The following GPM6A variants were observed in gnomAD, a reference collection of about 807,000 sequenced individuals.
GPM6A encodes the protein neuronal membrane glycoprotein M6-a.
In GPM6A, 7 loss-of-function variants were observed where a neutral mutation model predicts 32.1. The observed-to-expected ratio is 0.22, with a 90% CI of 0.12 to 0.41. The LOEUF is 0.41. Among genes scored for constraint, GPM6A ranks in the 10% least tolerant of loss-of-function variants. GPM6A has a pLI of 1.00. For synonymous variants in GPM6A, 130 were observed against 123.4 expected, an observed-to-expected ratio of 1.05 and a Z score of -0.35; for missense variants, 235 against 347.2, an observed-to-expected ratio of 0.68 and a Z score of 2.57.
chr4:175,697,547 C>T (rs1744648589), intron 2 of GPM6A, among the ~76,000 whole-genome samples: 3 of 152,068 alleles, frequency 2.0e-5, no homozygotes, highest in Admixed American at 2.0e-4. Flanking sequence ...AGAAGTTGCA[C>T]ACTTCTTATC....
chr4:175,864,313 C>G (rs1190866176), intron 1 of GPM6A, among the ~76,000 whole-genome samples: 2 of 152,084 alleles, frequency 1.3e-5, no homozygotes, highest in African/African-American at 4.8e-5. Context: ...ACTACAGGAG[C>G]ATGTCACCAT....
At chr4:175,691,700 T>G (rs1257282484) in intron 2 of GPM6A, among the ~76,000 whole-genome samples, 1 of 152,218 alleles carries the variant, frequency 6.6e-6, no homozygotes, top group Non-Finnish European at 1.5e-5. Context: ...GCCCCAGTGA[T>G]GCTCACATCA....
chr4:175,712,426 C>A (rs1196769820), intron 1 of GPM6A, among the ~76,000 whole-genome samples: 1 of 152,192 alleles, frequency 6.6e-6, no homozygotes, highest in African/African-American at 2.4e-5. Flanking sequence ...GGGTCATGGA[C>A]AATAAGTGTC....
At chr4:175,939,917 C>T (rs546797827) in intron 1 of GPM6A, among the ~76,000 whole-genome samples, 42 of 151,562 alleles carry the variant, frequency 2.8e-4, no homozygotes, top group Middle Eastern at 3.4e-3. Flanking sequence ...AGAACCATAG[C>T]GCCTGGTTCC....
chr4:175,722,772 C>G (rs12499953), intron 1 of GPM6A, among the ~76,000 whole-genome samples: 51,513 of 151,962 alleles, frequency 0.34, 11,057 homozygotes, highest in East Asian at 0.64. Context: ...GACCAGCCGT[C>G]GTGGCTCATA....
chr4:175,873,534 T>C (rs1213193568), intron 1 of GPM6A, among the ~76,000 whole-genome samples: 2 of 152,130 alleles, frequency 1.3e-5, no homozygotes, highest in Non-Finnish European at 2.9e-5. Context: ...AAACTATAAA[T>C]AGAGTAATTA....
At chr4:175,939,801 C>G (rs1014119521) in intron 1 of GPM6A, among the ~76,000 whole-genome samples, 13 of 151,840 alleles carry the variant, frequency 8.6e-5, no homozygotes, top group African/African-American at 3.1e-4. Context: ...ATCCTAATAG[C>G]AGGAAATTTT....
intron 1 of GPM6A, among the ~76,000 whole-genome samples, chr4:175,972,225 T>TA (rs1362534047): frequency 1.3e-5 from 2 of 152,138 alleles, no homozygotes; most frequent in Admixed American, 6.6e-5. Context: ...AAGATTTTTT[T>TA]AAAAAAATTT....
intron 1 of GPM6A, among the ~76,000 whole-genome samples, chr4:175,710,900 C>T (rs1332522811): frequency 6.6e-6 from 1 of 152,140 alleles, no homozygotes; most frequent in Non-Finnish European, 1.5e-5. Context: ...CAGTCTCAGG[C>T]TGAACTCAGC....
chr4:175,688,210 AC>A (rs2111028408), intron 2 of GPM6A, among the ~76,000 whole-genome samples: 1 of 152,148 alleles, frequency 6.6e-6, no homozygotes, highest in South Asian at 2.1e-4. Context: ...ATCTAGTCAC[AC>A]TTGTCTATTA....
At position 175,835,938 on chromosome 4, in the gene GPM6A, G is replaced by A. The variant is rs188258130; in HGVS notation, c.-22-23689C>T. Among the ~76,000 whole-genome samples, 909 of 151,500 alleles carry A rather than the reference G, an allele frequency of 6.0e-3. 11 individuals are homozygous for A. Among genetic ancestry groups the A allele is most frequent in the African/African-American group, 0.021 (859 of 41,284 alleles). ...AGCATAAAGGTGTAGAACGTGGAAA[G>A]TTTTTTGTAGGTCTGGCCTGGAAGA... On this transcript the variant is annotated intron_variant, in intron 1 of 7. Transcript: ENST00000280187.
intron 1 of GPM6A, among the ~76,000 whole-genome samples, chr4:175,826,096 G>A (rs1735427511): frequency 6.6e-6 from 1 of 151,912 alleles, no homozygotes; most frequent in Admixed American, 6.6e-5. Flanking sequence ...TGAGTTCCAG[G>A]CTGTAGTGAG....
intron 1 of GPM6A, among the ~76,000 whole-genome samples, chr4:175,883,813 C>A (rs925728895): frequency 6.6e-6 from 1 of 152,126 alleles, no homozygotes; most frequent in Non-Finnish European, 1.5e-5. Flanking sequence ...ACATTAAATT[C>A]ACTAAGGTAT....
chr4:175,995,208 T>C (rs1353781168), intron 1 of GPM6A, among the ~76,000 whole-genome samples: 2 of 152,180 alleles, frequency 1.3e-5, no homozygotes, highest in African/African-American at 2.4e-5. Flanking sequence ...GAATCGTGAA[T>C]GTTCTTAAGG....
At chr4:175,946,830 T>G (rs1469142801) in intron 1 of GPM6A, among the ~76,000 whole-genome samples, 10 of 152,330 alleles carry the variant, frequency 6.6e-5, no homozygotes, top group African/African-American at 2.2e-4. Context: ...TCAGTGTTTC[T>G]GATTTGGGGA....
chr4:175,741,702 C>A (rs2111167065), intron 1 of GPM6A, among the ~76,000 whole-genome samples: 1 of 152,188 alleles, frequency 6.6e-6, no homozygotes, highest in South Asian at 2.1e-4. Context: ...TCTTGCAACC[C>A]AGGATATATG....
intron 1 of GPM6A, among the ~76,000 whole-genome samples, chr4:175,934,565 A>T (rs531793094): frequency 2.0e-5 from 3 of 152,202 alleles, no homozygotes; most frequent in African/African-American, 7.2e-5. Flanking sequence ...ATGTTCTAAC[A>T]CTAAAATGTA....
At chr4:175,705,772 T>C (rs1745155979) in intron 1 of GPM6A, among the ~76,000 whole-genome samples, 1 of 152,190 alleles carries the variant, frequency 6.6e-6, no homozygotes, top group African/African-American at 2.4e-5. Context: ...TAAATGAATA[T>C]TAGTGAAGGC....
intron 1 of GPM6A, among the ~76,000 whole-genome samples, chr4:175,801,789 G>A (rs1346440397): frequency 1.3e-5 from 2 of 152,082 alleles, no homozygotes; most frequent in East Asian, 3.9e-4. Context: ...AGATAGAGTA[G>A]CAGAGTTAAG....
Sources: allele counts gnomAD v4.1 joint callset (sites outside exome capture counted in the v4.1 genomes callset), GRCh38; gene constraint gnomAD v4.1.1; transcripts MANE v1.5; gene names NCBI Gene and HGNC (gene_info 2026-07-23, HGNC 2026-07-21).